Variants in EPHA6 observed in about 807,000 individuals in gnomAD.
The protein encoded by EPHA6 is ephrin type-A receptor 6.
In EPHA6, 50 loss-of-function variants were observed where a neutral mutation model predicts 112.0. That is an observed-to-expected ratio of 0.45 (90% confidence interval 0.36 to 0.56). The LOEUF is 0.56. EPHA6 is among the 20% of genes least tolerant of loss of function. The pLI is 0.00. For synonymous variants in EPHA6, 529 were observed against 490.7 expected (o/e 1.08, Z -1.03); for missense variants, 1,280 against 1,417.4 (o/e 0.90, Z 1.56).
intron 14 of EPHA6, among the ~76,000 whole-genome samples, chr3:97,696,470 C>G (rs761458981): frequency 6.6e-6 from 1 of 152,060 alleles, no homozygotes; most frequent in Non-Finnish European, 1.5e-5. Context: ...TTACGTTTAC[C>G]TCATTAATCT....
intron 2 of EPHA6, among the ~76,000 whole-genome samples, chr3:96,919,432 T>C (rs981524393): frequency 1.3e-5 from 2 of 151,872 alleles, no homozygotes; most frequent in Admixed American, 6.6e-5. Flanking sequence ...GACAGTAGAT[T>C]CCATAGAAAT....
chr3:97,421,121 C>G (rs186846185), intron 6 of EPHA6, among the ~76,000 whole-genome samples: 46 of 152,050 alleles, frequency 3.0e-4, no homozygotes, highest in Non-Finnish European at 5.4e-4. Context: ...TCTCCCAAAA[C>G]AAGAACTACA....
intron 5 of EPHA6, among the ~76,000 whole-genome samples, chr3:97,331,138 G>C (rs2082777552): frequency 6.6e-6 from 1 of 152,088 alleles, no homozygotes; most frequent in Admixed American, 6.6e-5. Flanking sequence ...ACCTGTTCCT[G>C]GATAACTACT....
intron 6 of EPHA6, among the ~76,000 whole-genome samples, chr3:97,428,796 C>A (rs75294894): frequency 4.2e-4 from 64 of 152,224 alleles, no homozygotes; most frequent in African/African-American, 1.4e-3. Flanking sequence ...TAGAACCAGA[C>A]CTTTCTTGCT....
intron 5 of EPHA6, among the ~76,000 whole-genome samples, chr3:97,271,819 A>C (rs1486103731): frequency 6.6e-6 from 1 of 152,120 alleles, no homozygotes; most frequent in Middle Eastern, 3.2e-3. Flanking sequence ...TTTTTATTGT[A>C]TGTAAGGTAT....
chr3:96,947,696 G>A (rs1193555713), intron 2 of EPHA6, among the ~76,000 whole-genome samples: 1 of 152,182 alleles, frequency 6.6e-6, no homozygotes, highest in African/African-American at 2.4e-5. Context: ...TACAAGGGAT[G>A]TGAAGGAGCT....
intron 1 of EPHA6, among the ~76,000 whole-genome samples, chr3:96,835,488 A>G (rs2034354567): frequency 1.3e-5 from 2 of 152,024 alleles, no homozygotes; most frequent in Admixed American, 1.3e-4. Flanking sequence ...AAGGGGATGG[A>G]AAATTCATAT....
intron 11 of EPHA6, among the ~76,000 whole-genome samples, chr3:97,556,652 G>T (rs1192543194): frequency 6.6e-6 from 1 of 152,008 alleles, no homozygotes; most frequent in East Asian, 1.9e-4. Flanking sequence ...TACAATTCAA[G>T]ATGAGATTTG....
At chr3:97,148,078 TAAC>T (rs1297042883) in intron 3 of EPHA6, among the ~76,000 whole-genome samples, 1 of 152,108 alleles carries the variant, frequency 6.6e-6, no homozygotes, top group Non-Finnish European at 1.5e-5. Flanking sequence ...ATTTATGACT[TAAC>T]AAAAATTTTA....
At chr3:96,962,948 G>A (rs2041998065) in intron 2 of EPHA6, among the ~76,000 whole-genome samples, 1 of 152,060 alleles carries the variant, frequency 6.6e-6, no homozygotes, top group South Asian at 2.1e-4. Flanking sequence ...GAGCCCAGGA[G>A]TTTGAGACCA....
At chr3:97,378,014 G>T (rs2085469680) in intron 5 of EPHA6, among the ~76,000 whole-genome samples, 1 of 152,190 alleles carries the variant, frequency 6.6e-6, no homozygotes, top group Admixed American at 6.5e-5. Context: ...TAATCCCCAA[G>T]ACAATGGGGA....
At chr3:97,526,022 T>C (rs559641242) in intron 10 of EPHA6, among the ~76,000 whole-genome samples, 1 of 152,100 alleles carries the variant, frequency 6.6e-6, no homozygotes, top group Admixed American at 6.6e-5. Flanking sequence ...AACTGAGACA[T>C]AAGATTGTTT....
chr3:96,850,678 T>C (rs1454174709), intron 1 of EPHA6, among the ~76,000 whole-genome samples: 1 of 152,126 alleles, frequency 6.6e-6, no homozygotes, highest in East Asian at 1.9e-4. Flanking sequence ...TTTCAGGTTT[T>C]AAGCAAAAGC....
intron 10 of EPHA6, among the ~76,000 whole-genome samples, chr3:97,490,838 C>G (rs374916719): frequency 7.9e-5 from 12 of 152,194 alleles, no homozygotes; most frequent in African/African-American, 2.9e-4. Context: ...AGGTTGCAGT[C>G]CTGGTGTCAG....
chr3:97,544,301 AG>A (rs1252996737), intron 11 of EPHA6, among the ~76,000 whole-genome samples: 13 of 152,034 alleles, frequency 8.6e-5, no homozygotes, highest in African/African-American at 1.9e-4. Context: ...TTTAGCATGA[AG>A]GGTTGTTGAA....
intron 13 of EPHA6, among the ~76,000 whole-genome samples, chr3:97,636,272 C>T (rs546203178): frequency 2.2e-4 from 33 of 152,068 alleles, no homozygotes; most frequent in African/African-American, 6.7e-4. Flanking sequence ...CATTTTAGGT[C>T]GAAAGAACTT....
chr3:96,999,459 A>G (rs2043548775), intron 3 of EPHA6, among the ~76,000 whole-genome samples: 1 of 151,900 alleles, frequency 6.6e-6, no homozygotes, highest in South Asian at 2.1e-4. Context: ...GAGCAGACTT[A>G]TGTCCTTCTT....
intron 3 of EPHA6, among the ~76,000 whole-genome samples, chr3:97,010,455 A>G (rs2044044334): frequency 6.6e-6 from 1 of 152,178 alleles, no homozygotes; most frequent in African/African-American, 2.4e-5. Context: ...TTTATGGGTA[A>G]TATTTGCATA....
chr3:97,711,074 G>A (rs2033942383), intron 14 of EPHA6, among the ~76,000 whole-genome samples: 1 of 152,194 alleles, frequency 6.6e-6, no homozygotes, highest in Non-Finnish European at 1.5e-5. Flanking sequence ...TGTTGTGGGA[G>A]GGAGCTGGTG....
Sources: gnomAD v4.1 joint callset for allele counts (sites outside exome capture counted in the v4.1 genomes callset) on GRCh38, gnomAD v4.1.1 for gene constraint, MANE v1.5 for transcripts, NCBI Gene and HGNC (gene_info 2026-07-23, HGNC 2026-07-21) for gene names.